The following GALNT15 variants were observed in gnomAD, a reference collection of about 807,000 sequenced individuals.
GALNT15 encodes the protein UDP-GalNAc transferase T15.
Under a neutral mutation model 66.8 loss-of-function variants are expected in GALNT15, and 67 were observed. The observed-to-expected ratio is 1.00, with a 90% CI of 0.82 to 1.23. The LOEUF (loss-of-function observed/expected upper bound fraction) is 1.23. GALNT15 is among the 50% of genes most tolerant of loss of function. GALNT15 has a pLI of 0.00. For synonymous variants in GALNT15, 313 were observed against 311.5 expected (o/e 1.00, Z -0.05); for missense variants, 827 against 804.3 (o/e 1.03, Z -0.34).
chr3:16,239,694 A>G, the GALNT15 span, among the ~76,000 whole-genome samples: 1 of 152,222 alleles, frequency 6.6e-6, no homozygotes, highest in Admixed American at 6.5e-5. The surrounding 1 kb of genome is among the most constrained non-coding windows in gnomAD (Gnocchi z 5.2). Flanking sequence ...AGGTGTGACA[A>G]CCAATAGAAC....
downstream of GALNT15, among the ~76,000 whole-genome samples, chr3:16,231,638 A>AAG (rs2064082950): frequency 6.6e-6 from 1 of 152,244 alleles, no homozygotes; most frequent in South Asian, 2.1e-4. The surrounding 1 kb of genome is among the most constrained non-coding windows in gnomAD (Gnocchi z 4.1). Flanking sequence ...GCTCAGTCCA[A>AAG]AGAGACCAGA....
In GALNT15 at chr3:16,191,637, T is replaced by C. The variant is rs551583171; in HGVS notation, c.540-4123T>C. On this transcript the variant is annotated intron_variant, in intron 1 of 9. Coordinates refer to ENST00000339732, the MANE Select transcript of GALNT15 (RefSeq NM_054110.5). This position sits in a 1 kb window ranked among gnomAD's most constrained non-coding sequence, Gnocchi z 5.2. ...GAACTTGAGTGCCCTGGTCACCATT[T>C]AACTAGCAGAGATGGAAGCTCTCAC... Among the ~76,000 whole-genome samples, 43 of 152,360 alleles carry C rather than the reference T, an allele frequency of 2.8e-4. No individual in the cohort carries two copies. In the South Asian group the frequency reaches 8.9e-3, roughly 32 times the overall value.
At chr3:16,215,076 G>A (rs1334681038) in intron 6 of GALNT15, among the ~76,000 whole-genome samples, 1 of 152,256 alleles carries the variant, frequency 6.6e-6, no homozygotes, top group East Asian at 1.9e-4. Context: ...TTTTTGATGC[G>A]CCAGACTAAC....
At chr3:16,246,675 A>G in the GALNT15 span, among the ~76,000 whole-genome samples, 1 of 152,208 alleles carries the variant, frequency 6.6e-6, no homozygotes. Flanking sequence ...TTGTTCATGT[A>G]ATACTCTATA....
chr3:16,245,939 A>G, the GALNT15 span, among the ~76,000 whole-genome samples: 3 of 152,208 alleles, frequency 2.0e-5, no homozygotes, highest in African/African-American at 7.2e-5. Flanking sequence ...TGGGTAATAG[A>G]CATTTGTTGA....
At chr3:16,221,411 A>AC (rs2063941292) in intron 8 of GALNT15, among the ~76,000 whole-genome samples, 2 of 152,186 alleles carry the variant, frequency 1.3e-5, no homozygotes, top group South Asian at 4.1e-4. Context: ...TTTATAAGAA[A>AC]GAAAGGGAAA....
rs754621488 is a variant in GALNT15, at chr3:16,219,973, C to A, written c.1588C>A (p.Pro530Thr). 1 of 1,614,186 alleles carries A rather than the reference C, an allele frequency of 6.2e-7. No individual in the cohort carries two copies. The highest frequency in any genetic ancestry group is 1.6e-4 in the Middle Eastern group (1 of 6,062). The change falls in exon 8 of 10, where the codon CCC (proline) becomes ACC (threonine). Residue 530 changes from proline (P) to threonine (T), a missense_variant. By Grantham distance (38) the Pro-to-Thr change is conservative. Coordinates refer to ENST00000339732, the MANE Select transcript of GALNT15 (RefSeq NM_054110.5). This position sits in a 1 kb window ranked among gnomAD's most constrained non-coding sequence, Gnocchi z 4.3. ...CQAEGDILGCPMVLAPCSDSR... is the reference protein window; with the variant it reads ...CQAEGDILGCTMVLAPCSDSR... ...GGCAGAAGGGGACATCCTGGGCTGT[C>A]CCATGGTGTTGGCTCCTTGCAGTGA... is the stretch of plus-strand genomic sequence containing the variant.
Position 16,198,336 on chromosome 3 carries a change from G to A in GALNT15, c.707-2283G>A, listed in dbSNP as rs1374254161. Among the ~76,000 whole-genome samples, 3 of 130,866 alleles carry A rather than the reference G, an allele frequency of 2.3e-5. 1 individual carries two copies. Among genetic ancestry groups the A allele is most frequent in the Non-Finnish European group, 3.3e-5 (2 of 61,232 alleles). The allele number at this position is 130,866 out of a possible 152,430, so 85.9% of individuals were successfully genotyped here. A position where few individuals can be genotyped will look rare whatever the true frequency, so the allele number is the denominator to read the frequency against. On this transcript the variant is annotated intron_variant, in intron 2 of 9. Transcript: ENST00000339732. ...AGAAGAGATAGGCAGAGGCCAGTCC[G>A]GTTTGTGCTCTTCGGAAAAAAAAAA...
rs1245560531 is a variant in GALNT15, at chr3:16,181,646, A to G, written c.539+5956A>G. On this transcript the variant is annotated intron_variant, in intron 1 of 9. Transcript: ENST00000339732. The surrounding 1 kb of genome is among the most constrained non-coding windows in gnomAD (Gnocchi z 5.9). The stretch of plus-strand genomic sequence containing the variant: ...TGGCTGTGATAGCCTGGCCTGCAAA[A>G]GAGGAAGGAGGCAGCTGACAGGGCA... 2.0e-5 allele frequency among the ~76,000 whole-genome samples: 3 copies of G among 152,136 alleles called. No homozygotes were observed. Among genetic ancestry groups the G allele is most frequent in the Admixed American group, 6.5e-5 (1 of 15,286 alleles).
intron 6 of GALNT15, among the ~76,000 whole-genome samples, chr3:16,215,619 C>T (rs1284004890): frequency 6.6e-6 from 1 of 152,122 alleles, no homozygotes; most frequent in South Asian, 2.1e-4. Context: ...TTTGGTATAT[C>T]GAAGGTGCTC....
Position 16,227,651 on chromosome 3 carries a change from G to T in GALNT15, c.*151G>T. ...AAAGCTCTATGAAAGAATATAGGAA[G>T]TTTCTCCTTTTCACACCTTATTTCA... On this transcript the variant is annotated 3_prime_UTR_variant, in exon 10 of 10. Coordinates refer to ENST00000339732, the MANE Select transcript of GALNT15 (RefSeq NM_054110.5). The surrounding 1 kb of genome is among the most constrained non-coding windows in gnomAD (Gnocchi z 4.5). 4.1e-6 allele frequency: 6 copies of T among 1,448,074 alleles called. No homozygotes were observed. The highest frequency in any genetic ancestry group is 2.9e-5 in the Admixed American group (1 of 35,066). The allele number at this position is 1,448,074 out of a possible 1,614,324, so 89.7% of individuals were successfully genotyped here.
chr3:16,185,128 A>G (rs1305783379), intron 1 of GALNT15, among the ~76,000 whole-genome samples: 1 of 152,190 alleles, frequency 6.6e-6, no homozygotes, highest in Non-Finnish European at 1.5e-5. Flanking sequence ...CTAACACATA[A>G]TAGGCTGTCA....
At chr3:16,233,092 A>ATTTTTTTTTTTTTTTTTTTTTTTTTT (rs771943641), downstream of GALNT15, among the ~76,000 whole-genome samples, 4 of 48,078 alleles carry the variant, frequency 8.3e-5, no homozygotes, top group South Asian at 7.9e-4. Flanking sequence ...AGGATAATGC[A>ATTTTTTTTTTTTTTTTTTTTTTTTTT]TCTTTTTTTT....
chr3:16,196,548 G>C (rs1293054553), intron 2 of GALNT15, among the ~76,000 whole-genome samples: 2 of 152,168 alleles, frequency 1.3e-5, no homozygotes, highest in African/African-American at 2.4e-5. Context: ...GATGGAGACA[G>C]AGAAGCCCCC....
At chr3:16,220,232 A>AG in intron 8 of GALNT15, 1 of 561,060 alleles carries the variant, frequency 1.8e-6, no homozygotes, top group Admixed American at 3.0e-5. Context: ...AGAAAATAAA[A>AG]GCATCTTAGT....
Position 16,195,771 on chromosome 3 carries a change from A to G in GALNT15, c.551A>G (p.Gln184Arg). 1 of 1,612,506 alleles carries G rather than the reference A, an allele frequency of 6.2e-7. No homozygotes were observed. Among genetic ancestry groups the G allele is most frequent in the Non-Finnish European group, 8.5e-7 (1 of 1,179,004 alleles). ...PEVRHPLCLQ[Q>R]HPQDSLPTAS... Reference sequence around the variant, plus strand: ...TCTCTTCCCTGCAGGTGTCTGCAGCAGCACCCTCAGGACAGCCTGCCCACA... The same window carrying G: ...TCTCTTCCCTGCAGGTGTCTGCAGCGGCACCCTCAGGACAGCCTGCCCACA... Residue 184 changes from glutamine (Q) to arginine (R), a missense_variant, in exon 2 of 10, where the codon CAG becomes CGG. Gln to Arg is a conservative substitution (Grantham distance 43). Transcript: ENST00000339732. This position sits in a 1 kb window ranked among gnomAD's most constrained non-coding sequence, Gnocchi z 4.6.
intron 3 of GALNT15, among the ~76,000 whole-genome samples, chr3:16,201,212 C>T (rs896348721): frequency 6.6e-5 from 10 of 151,572 alleles, no homozygotes; most frequent in Non-Finnish European, 4.4e-5. Context: ...GATGGCGTCT[C>T]GCTCTGTCAC....
chr3:16,176,686 T>G lies in GALNT15; in HGVS notation c.539+996T>G, dbSNP rs1037701015. The stretch of plus-strand genomic sequence containing the variant: ...CCAGGGAGCAAGGCAGCTTGTTAGT[T>G]TTAGTTTGGTGATTTAGGTCCCTTT... On this transcript the variant is annotated intron_variant, in intron 1 of 9. Transcript: ENST00000339732. This position sits in a 1 kb window ranked among gnomAD's most constrained non-coding sequence, Gnocchi z 5.6. Among the ~76,000 whole-genome samples the G allele has an allele frequency of 1.3e-5, 2 of 152,150 alleles. No homozygotes were observed.
intron 2 of GALNT15, among the ~76,000 whole-genome samples, chr3:16,196,952 G>C (rs1484676109): frequency 6.6e-6 from 1 of 152,216 alleles, no homozygotes; most frequent in Non-Finnish European, 1.5e-5. Context: ...TCACTCCAGG[G>C]ATGGGCCTAG....
Sources: gnomAD v4.1 joint callset for allele counts (sites outside exome capture counted in the v4.1 genomes callset) on GRCh38, gnomAD v4.1.1 for gene constraint, Gnocchi (gnomAD v3.1) non-coding constraint, MANE v1.5 for transcripts, NCBI Gene and HGNC (gene_info 2026-07-23, HGNC 2026-07-21) for gene names.